FRMD4A: variants seen among roughly 807,000 people sequenced by gnomAD.
FRMD4A encodes the protein FERM domain-containing protein 4A.
Under a neutral mutation model 129.1 loss-of-function variants are expected in FRMD4A, and 29 were observed. The ratio of observed to expected loss-of-function variants is 0.22; its 90% CI spans 0.17 to 0.31. The LOEUF (loss-of-function observed/expected upper bound fraction) is 0.31. Ranked by LOEUF, FRMD4A falls within the 10% of genes least tolerant of loss-of-function variation. The probability of loss-of-function intolerance (pLI) is 1.00; values close to 1 mark genes in which losing one functional copy is unlikely to be tolerated. For synonymous variants in FRMD4A, 634 were observed against 571.6 expected, an observed-to-expected ratio of 1.11 and a Z score of -1.56; for missense variants, 1,272 against 1,375.8, an observed-to-expected ratio of 0.92 and a Z score of 1.19.
chr10:14,082,756 G>A (rs1836003077), intron 2 of FRMD4A, among the ~76,000 whole-genome samples: 1 of 152,200 alleles, frequency 6.6e-6, no homozygotes, highest in South Asian at 2.1e-4. Flanking sequence ...GGCATTTTTG[G>A]AGCTACCCAT....
At chr10:13,926,363 G>C (rs970719862) in intron 2 of FRMD4A, among the ~76,000 whole-genome samples, 3 of 152,190 alleles carry the variant, frequency 2.0e-5, no homozygotes, top group Admixed American at 1.3e-4. Context: ...TAAGGCCTGG[G>C]AGAAGGAGGA....
intron 2 of FRMD4A, among the ~76,000 whole-genome samples, chr10:14,109,880 G>A (rs1393329346): frequency 3.3e-5 from 5 of 151,466 alleles, no homozygotes; most frequent in African/African-American, 1.2e-4. Context: ...GTTGAGGCAG[G>A]AGAATCGCTT....
chr10:13,989,318 T>A (rs1347984470), intron 2 of FRMD4A, among the ~76,000 whole-genome samples: 1 of 152,172 alleles, frequency 6.6e-6, no homozygotes, highest in Non-Finnish European at 1.5e-5. Flanking sequence ...TGGCATATTA[T>A]GGATGCTCAG....
chr10:13,903,221 C>T (rs113182498), intron 2 of FRMD4A, among the ~76,000 whole-genome samples: 1 of 152,144 alleles, frequency 6.6e-6, no homozygotes, highest in Non-Finnish European at 1.5e-5. Context: ...GCAACTCCTC[C>T]CACCTGCCCA....
At chr10:13,945,062 A>G (rs1222733583) in intron 2 of FRMD4A, among the ~76,000 whole-genome samples, 1 of 152,166 alleles carries the variant, frequency 6.6e-6, no homozygotes, top group East Asian at 1.9e-4. Context: ...GCAACAGTAC[A>G]ATGGGAGTAA....
At position 14,294,506 on chromosome 10, in the gene FRMD4A, G is replaced by A. The variant is rs144484963; in HGVS notation, c.45+35552C>T. On this transcript the variant is annotated intron_variant, in intron 2 of 24. Coordinates refer to ENST00000357447, the MANE Select transcript of FRMD4A (RefSeq NM_018027.5). ...TAGTTCACTGACCCTCACTATAGGC[G>A]TTATTATTATGCTCTCTTCATGTGT... 5.3e-5 allele frequency among the ~76,000 whole-genome samples: 8 copies of A among 152,248 alleles called. No homozygotes were observed. In the East Asian group the frequency reaches 7.7e-4, roughly 15 times the overall value.
At chr10:14,296,398 G>A (rs902378266) in intron 2 of FRMD4A, among the ~76,000 whole-genome samples, 1 of 152,146 alleles carries the variant, frequency 6.6e-6, no homozygotes, top group African/African-American at 2.4e-5. Context: ...TGTCTCCTGA[G>A]AACAGCCCTC....
intron 5 of FRMD4A, among the ~76,000 whole-genome samples, chr10:13,793,001 G>C (rs956882921): frequency 3.9e-5 from 6 of 152,210 alleles, no homozygotes; most frequent in Non-Finnish European, 5.9e-5. Context: ...GTTGAATGGA[G>C]GTGATGATTC....
At chr10:14,157,912 C>T (rs1368121318) in intron 2 of FRMD4A, among the ~76,000 whole-genome samples, 1 of 152,148 alleles carries the variant, frequency 6.6e-6, no homozygotes, top group Non-Finnish European at 1.5e-5. Flanking sequence ...GCTGAGTTAA[C>T]TTCTGGGGAC....
intron 3 of FRMD4A, among the ~76,000 whole-genome samples, chr10:13,823,833 G>T (rs1407433883): frequency 6.6e-6 from 1 of 152,160 alleles, no homozygotes; most frequent in Middle Eastern, 3.2e-3. Flanking sequence ...TATTCCATTT[G>T]CTCGATGTTC....
At chr10:14,223,734 A>C (rs1264034881) in intron 2 of FRMD4A, among the ~76,000 whole-genome samples, 1 of 126,698 alleles carries the variant, frequency 7.9e-6, no homozygotes, top group Non-Finnish European at 1.6e-5. Context: ...GAGCAAGACC[A>C]TGTCTCAAAA....
chr10:14,150,505 G>A (rs527802995), intron 2 of FRMD4A, among the ~76,000 whole-genome samples: 117 of 152,080 alleles, frequency 7.7e-4, no homozygotes, highest in Non-Finnish European at 1.5e-3. Context: ...TTCCTGTCCA[G>A]CCAATGGATC....
At chr10:14,322,257 T>C (rs926442569) in intron 2 of FRMD4A, among the ~76,000 whole-genome samples, 1 of 152,012 alleles carries the variant, frequency 6.6e-6, no homozygotes, top group African/African-American at 2.4e-5. Flanking sequence ...GCATGGCCCA[T>C]GACTAGCTGA....
At chr10:14,170,625 G>T (rs1276997649) in intron 2 of FRMD4A, among the ~76,000 whole-genome samples, 1 of 152,194 alleles carries the variant, frequency 6.6e-6, no homozygotes, top group Non-Finnish European at 1.5e-5. Context: ...ACTCAAATTA[G>T]CACACGAAAT....
intron 2 of FRMD4A, among the ~76,000 whole-genome samples, chr10:14,020,668 T>TA (rs1832703215): frequency 7.3e-6 from 1 of 137,540 alleles, no homozygotes; most frequent in South Asian, 2.1e-4. Context: ...CAGCCCCAAT[T>TA]TTTTTTTTTG....
chr10:14,021,715 G>A (rs1588797362), intron 2 of FRMD4A, among the ~76,000 whole-genome samples: 2 of 152,126 alleles, frequency 1.3e-5, no homozygotes, highest in South Asian at 4.2e-4. Flanking sequence ...TCTGGGTGGT[G>A]GTTACACAGG....
intron 14 of FRMD4A, among the ~76,000 whole-genome samples, chr10:13,697,690 C>A (rs1487134133): frequency 1.3e-5 from 2 of 152,010 alleles, no homozygotes; most frequent in African/African-American, 4.8e-5. Context: ...CCCTTTGACT[C>A]TGCCTTTGAC....
chr10:13,964,207 C>CA (rs1432999238), intron 2 of FRMD4A, among the ~76,000 whole-genome samples: 1 of 151,282 alleles, frequency 6.6e-6, no homozygotes, highest in East Asian at 1.9e-4. Flanking sequence ...ACAAATAGAC[C>CA]AAAGAAAACC....
chr10:14,045,801 T>C (rs1376767405), intron 2 of FRMD4A, among the ~76,000 whole-genome samples: 1 of 145,780 alleles, frequency 6.9e-6, no homozygotes, highest in African/African-American at 2.5e-5. Context: ...ATGATATAAT[T>C]ATATAGAATA....
Sources: allele counts gnomAD v4.1 joint callset (sites outside exome capture counted in the v4.1 genomes callset), GRCh38; gene constraint gnomAD v4.1.1; transcripts MANE v1.5; gene names NCBI Gene and HGNC (gene_info 2026-07-23, HGNC 2026-07-21).